DNAH11: variants seen among roughly 807,000 people sequenced by gnomAD.
DNAH11 encodes axonemal beta dynein heavy chain 11.
A neutral mutation model predicts 526.0 loss-of-function variants in DNAH11; 442 were observed. The observed-to-expected ratio is 0.84, with a 90% CI of 0.78 to 0.91. The LOEUF (loss-of-function observed/expected upper bound fraction) is 0.91, where lower values mean the gene tolerates loss of function less well. Ranked by LOEUF, DNAH11 falls within the 40% of genes least tolerant of loss-of-function variation. The probability of loss-of-function intolerance (pLI) is 0.00; values close to 1 mark genes in which losing one functional copy is unlikely to be tolerated. For synonymous variants in DNAH11, 2,461 were observed against 1,935.9 expected (o/e 1.27, Z -7.12); for missense variants, 6,989 against 5,448.7 (o/e 1.28, Z -8.90).
At chr7:21,657,351 A>G (rs1034563066) in intron 29 of DNAH11, among the ~76,000 whole-genome samples, 1 of 152,138 alleles carries the variant, frequency 6.6e-6, no homozygotes, top group Non-Finnish European at 1.5e-5. Flanking sequence ...ATGGATATGC[A>G]CATAATAATG....
At position 21,729,706 on chromosome 7, in the gene DNAH11, TGAGG is replaced by T. The variant is rs1411101137; in HGVS notation, c.7440+3723_7440+3726del. Among the ~76,000 whole-genome samples the T allele has an allele frequency of 2.5e-3, 49 of 19,618 alleles. No homozygotes were observed. The South Asian group carries it at 0.054, about 21-fold the overall frequency. The allele number at this position is 19,618 out of a possible 152,430, so 12.9% of individuals were successfully genotyped here. A position where few individuals can be genotyped will look rare whatever the true frequency, so the allele number is the denominator to read the frequency against. On this transcript the variant is annotated intron_variant, in intron 45 of 81. Transcript: ENST00000409508. Reference sequence around the variant, plus strand: ...CTTTTCTGCCAGTGTCAAGTAACACTGAGGTCTCACCAGAACCATCTGAGGTCTC... The same window carrying T: ...CTTTTCTGCCAGTGTCAAGTAACACTTCTCACCAGAACCATCTGAGGTCTC...
chr7:21,759,961 A>T (rs1039438166), intron 54 of DNAH11, among the ~76,000 whole-genome samples: 1 of 152,206 alleles, frequency 6.6e-6, no homozygotes, highest in African/African-American at 2.4e-5. Context: ...AAGTACGTAG[A>T]TGGTGATTTC....
intron 61 of DNAH11, among the ~76,000 whole-genome samples, chr7:21,790,367 G>T (rs1000854409): frequency 6.6e-6 from 1 of 151,938 alleles, no homozygotes; most frequent in African/African-American, 2.4e-5. Context: ...GGAGAATGGC[G>T]TGAACCCAGG....
chr7:21,884,352 A>G lies in DNAH11; in HGVS notation c.12449A>G (p.Asp4150Gly), dbSNP rs750138267. The change falls in exon 76 of 82, where the codon GAT becomes GGT. Residue 4150 changes from aspartate (D) to glycine (G), a missense_variant. By Grantham distance (94) the Asp-to-Gly change is moderately conservative. Transcript: ENST00000409508. ...ATCATGTATGGAGGCCACATCACAG[A>G]TGACTGGGATCGCAAACTGTGTCGG... ...GEIMYGGHIT[D>G]DWDRKLCRVY... The G allele has an allele frequency of 6.2e-7, 1 of 1,613,458 alleles. No individual in the cohort carries two copies. Among genetic ancestry groups the G allele is most frequent in the Admixed American group, 1.7e-5 (1 of 59,974 alleles).
chr7:21,854,104 G>A (rs1267277598), intron 67 of DNAH11, among the ~76,000 whole-genome samples: 1 of 152,140 alleles, frequency 6.6e-6, no homozygotes, highest in African/African-American at 2.4e-5. Flanking sequence ...CTAGAGTTAT[G>A]TCCATTCTCA....
intron 72 of DNAH11, 129 bp from the exon 73 acceptor site, chr7:21,868,735 G>C: frequency 8.3e-7 from 1 of 1,199,136 alleles, no homozygotes; most frequent in Non-Finnish European, 1.2e-6. Flanking sequence ...AGTTTCTTTG[G>C]GATTCTTCAG....
chr7:21,586,400 A>G (rs1182614147), intron 9 of DNAH11, among the ~76,000 whole-genome samples: 4 of 152,256 alleles, frequency 2.6e-5, no homozygotes, highest in African/African-American at 7.2e-5. Context: ...TTAATCATTT[A>G]CATTTTGCTA....
intron 54 of DNAH11, among the ~76,000 whole-genome samples, chr7:21,759,313 A>T (rs1786783183): frequency 6.6e-6 from 1 of 152,220 alleles, no homozygotes; most frequent in African/African-American, 2.4e-5. Flanking sequence ...TATTTACACA[A>T]GTCAAAGGTT....
At chr7:21,699,890 A>G (rs980766476) in intron 36 of DNAH11, among the ~76,000 whole-genome samples, 2 of 152,132 alleles carry the variant, frequency 1.3e-5, no homozygotes, top group African/African-American at 4.8e-5. Context: ...AAAACAAATG[A>G]AACAAACACC....
chr7:21,718,068 C>T, intron 43 of DNAH11, 143 bp downstream of exon 43: 1 of 1,133,882 alleles, frequency 8.8e-7, no homozygotes, highest in Non-Finnish European at 1.2e-6. Context: ...TTGCCCCCGC[C>T]CCCGTCCCCC....
intron 5 of DNAH11, among the ~76,000 whole-genome samples, chr7:21,562,399 C>G (rs1210891037): frequency 3.3e-5 from 5 of 152,096 alleles, no homozygotes; most frequent in African/African-American, 1.2e-4. Flanking sequence ...ATACACTATG[C>G]AAGGTACTAG....
chr7:21,779,001 T>C lies in DNAH11; in HGVS notation c.9380T>C (p.Leu3127Pro), dbSNP rs755885697. 2 of 1,613,442 alleles carry C rather than the reference T, an allele frequency of 1.2e-6. No individual in the cohort carries two copies. Among genetic ancestry groups the C allele is most frequent in the South Asian group, 2.2e-5 (2 of 91,038 alleles). Residue 3127 changes from leucine (L) to proline (P), a missense_variant, in exon 57 of 82, where the codon CTG becomes CCG. Transcript: ENST00000409508. ...KARLASQEAELQLRNHDAEAL... is the reference protein window; with the variant it reads ...KARLASQEAEPQLRNHDAEAL... Reference sequence around the variant, plus strand: ...AGACTTGCCTCTCAAGAAGCCGAGCTGCAACTGAGAAATCATGATGCCGAA... The same window carrying C: ...AGACTTGCCTCTCAAGAAGCCGAGCCGCAACTGAGAAATCATGATGCCGAA...
At chr7:21,895,288 A>T (rs748799130) in intron 79 of DNAH11, among the ~76,000 whole-genome samples, 2 of 152,184 alleles carry the variant, frequency 1.3e-5, no homozygotes, top group African/African-American at 2.4e-5. Context: ...TGAAAAATGT[A>T]GATGGCAATA....
rs1360010493 is a variant in DNAH11 at position 21,601,508 on chromosome 7, A to G, written c.3538A>G (p.Arg1180Gly). 5 of 1,613,674 alleles carry G rather than the reference A, an allele frequency of 3.1e-6. No homozygotes were observed. Among genetic ancestry groups the G allele is most frequent in the Middle Eastern group, 1.6e-4 (1 of 6,080 alleles). Residue 1180 changes from arginine to glycine, a missense_variant, in exon 18 of 82, where the codon AGA becomes GGA. By Grantham distance (125) the Arg-to-Gly change is moderately radical (BLOSUM62 -2). Coordinates refer to ENST00000409508, the MANE Select transcript of DNAH11 (RefSeq NM_001277115.2). ...CATCATGGTGCATCTTCTGGCTGTA[A>G]GAAGCCGACAGAGAGCTACTGATGA... ...VDIMVHLLAV[R>G]SRQRATDELF...
At chr7:21,846,152 A>G (rs1233450261) in intron 66 of DNAH11, among the ~76,000 whole-genome samples, 1 of 152,190 alleles carries the variant, frequency 6.6e-6, no homozygotes. Flanking sequence ...GATTTTCCAC[A>G]TAGATTATCA....
rs553477438 is a variant in DNAH11 at position 21,574,957 on chromosome 7, C to G, written c.1593+2984C>G. ...TGGCATGATCTCAGCTCACTGCAACCTCTGCCTCCCAGGTTCAAGTGATTC... is the reference window on the plus strand; with the variant it reads ...TGGCATGATCTCAGCTCACTGCAACGTCTGCCTCCCAGGTTCAAGTGATTC... On this transcript the variant is annotated intron_variant, in intron 8 of 81. Transcript: ENST00000409508. Among the ~76,000 whole-genome samples the G allele has an allele frequency of 5.5e-5, 8 of 145,094 alleles. No homozygotes were observed. The South Asian group carries it at 1.8e-3, about 33-fold the overall frequency.
intron 14 of DNAH11, among the ~76,000 whole-genome samples, chr7:21,593,705 A>AT (rs371023745): frequency 1.1e-4 from 16 of 152,188 alleles, no homozygotes; most frequent in African/African-American, 3.4e-4. Flanking sequence ...TGATGGGAAC[A>AT]TGGGGAGTTG....
chr7:21,606,287 C>T, intron 18 of DNAH11, 139 bp from the exon 19 acceptor site: 10 of 685,958 alleles, frequency 1.5e-5, no homozygotes, highest in Non-Finnish European at 2.4e-5. Flanking sequence ...CATGCCAGTG[C>T]ACTCCAGCCT....
chr7:21,742,747 A>T (rs1785964074), intron 49 of DNAH11, among the ~76,000 whole-genome samples: 1 of 152,222 alleles, frequency 6.6e-6, no homozygotes, highest in Non-Finnish European at 1.5e-5. Context: ...GGAAGTAAGT[A>T]TGGCAGGTTT....
Sources: gnomAD v4.1 joint callset for allele counts (sites outside exome capture counted in the v4.1 genomes callset) on GRCh38, gnomAD v4.1.1 for gene constraint, MANE v1.5 for transcripts, NCBI Gene and HGNC (gene_info 2026-07-23, HGNC 2026-07-21) for gene names.